Variants in ESYT2 observed in about 807,000 individuals in gnomAD.
The protein encoded by ESYT2 is extended synaptotagmin 2, also known as extended synaptotagmin-2.
ESYT2 carries 54 observed loss-of-function variants against 107.2 expected under a neutral mutation model. That is an observed-to-expected ratio of 0.50 (90% CI 0.40 to 0.63). The LOEUF (loss-of-function observed/expected upper bound fraction) is 0.63. Among genes scored for constraint, ESYT2 ranks in the 30% least tolerant of loss-of-function variants. The pLI, the probability that ESYT2 is intolerant of heterozygous loss-of-function variation, is 0.00. For synonymous variants in ESYT2, 491 were observed against 434.1 expected, an observed-to-expected ratio of 1.13 and a Z score of -1.63; for missense variants, 1,020 against 1,094.5, an observed-to-expected ratio of 0.93 and a Z score of 0.96.
chr7:158,770,472 T>C (rs1460747428), intron 7 of ESYT2, among the ~76,000 whole-genome samples: 1 of 151,262 alleles, frequency 6.6e-6, no homozygotes, highest in African/African-American at 2.4e-5. Context: ...GTTAGGTAAG[T>C]ATATATTTTT....
intron 6 of ESYT2, among the ~76,000 whole-genome samples, chr7:158,786,967 G>T (rs1303683779): frequency 6.6e-6 from 1 of 152,168 alleles, no homozygotes; most frequent in African/African-American, 2.4e-5. Context: ...AACAAAAGGG[G>T]TGAAGAAAGC....
chr7:158,808,933 G>A (rs1487962616), intron 1 of ESYT2, among the ~76,000 whole-genome samples: 3 of 151,770 alleles, frequency 2.0e-5, no homozygotes, highest in African/African-American at 4.8e-5. Context: ...CCGAGACTGC[G>A]CCATTACACT....
At position 158,749,632 on chromosome 7, in the gene ESYT2, C is replaced by T; in HGVS notation, c.1557+17G>A. 3.1e-6 allele frequency: 5 copies of T among 1,613,542 alleles called. No individual in the cohort carries two copies. Among genetic ancestry groups the T allele is most frequent in the Non-Finnish European group, 4.2e-6 (5 of 1,179,756 alleles). ...GCACGACAGGCACCAAGGCTGAGTC[C>T]AGGGCGAGCACCTTACCTTGCTCTC... On this transcript the variant is annotated intron_variant, in intron 15 of 22. Transcript: ENST00000275418.
intron 1 of ESYT2, among the ~76,000 whole-genome samples, chr7:158,810,697 AG>A (rs1839970519): frequency 6.6e-6 from 1 of 151,556 alleles, no homozygotes; most frequent in Non-Finnish European, 1.5e-5. Context: ...GGAAAAAAAA[AG>A]GCTCATCATA....
intron 11 of ESYT2, 49 bp downstream of exon 11, chr7:158,761,447 G>GGGACTCAGTCAACAATTGT (rs1483037112): frequency 6.3e-7 from 1 of 1,579,972 alleles, no homozygotes; most frequent in Admixed American, 1.7e-5. Context: ...GCACAGGGCA[G>GGGACTCAGTCAACAATTGT]GGACTCAGTC....
At chr7:158,737,312 C>T (rs1036930965) in intron 19 of ESYT2, 133 bp from the exon 20 acceptor site, 24 of 1,204,832 alleles carry the variant, frequency 2.0e-5, no homozygotes, top group Middle Eastern at 3.0e-4. Flanking sequence ...GAACAGAATG[C>T]GTGAGGCGCT....
At chr7:158,817,268 G>C (rs1235659773) in intron 1 of ESYT2, among the ~76,000 whole-genome samples, 2 of 152,194 alleles carry the variant, frequency 1.3e-5, no homozygotes, top group Non-Finnish European at 2.9e-5. Context: ...CTTTAAGTCT[G>C]ACAGGAAACA....
intron 1 of ESYT2, among the ~76,000 whole-genome samples, chr7:158,821,591 C>T (rs1840287117): frequency 6.6e-6 from 1 of 152,260 alleles, no homozygotes; most frequent in Non-Finnish European, 1.5e-5. Flanking sequence ...TAAATCAGAA[C>T]TGCCCTGAGG....
chr7:158,776,404 A>T (rs1838564000), intron 6 of ESYT2, among the ~76,000 whole-genome samples: 1 of 152,172 alleles, frequency 6.6e-6, no homozygotes, highest in Admixed American at 6.5e-5. Flanking sequence ...ATACACTGAA[A>T]ATCTGTTGTT....
intron 1 of ESYT2, among the ~76,000 whole-genome samples, chr7:158,813,940 T>C (rs1172419137): frequency 6.6e-6 from 1 of 152,136 alleles, no homozygotes. Context: ...TATACGTTCC[T>C]CGTCCCAATG....
chr7:158,752,869 T>C (rs1394523589), intron 13 of ESYT2, 26 bp from the exon 14 acceptor site: 3 of 1,280,428 alleles, frequency 2.3e-6, no homozygotes, highest in Non-Finnish European at 3.1e-6. Flanking sequence ...AAAACGAATA[T>C]GCCAAGGGTT....
At chr7:158,795,341 G>C (rs181147237) in intron 3 of ESYT2, among the ~76,000 whole-genome samples, 12 of 152,342 alleles carry the variant, frequency 7.9e-5, no homozygotes, top group Admixed American at 7.8e-4. Flanking sequence ...TCCTTATTCA[G>C]CTGGTATCAA....
chr7:158,737,184 C>CAGT lies in ESYT2; in HGVS notation c.2268-6_2268-5insACT. The CAGT allele has an allele frequency of 6.2e-7, 1 of 1,613,198 alleles. No individual in the cohort carries two copies. Among genetic ancestry groups the CAGT allele is most frequent in the Non-Finnish European group, 8.5e-7 (1 of 1,179,362 alleles). On this transcript the variant is annotated splice_polypyrimidine_tract_variant and splice_region_variant and intron_variant, in intron 19 of 22. Coordinates refer to ENST00000275418, the MANE Select transcript of ESYT2 (RefSeq NM_001367773.1). ...TCAGAGAAGGCAATGAGGTTTCTTACAACACAAACCAGATAAGACGAGGTA... is the reference window on the plus strand; with the variant it reads ...TCAGAGAAGGCAATGAGGTTTCTTACAGTAACACAAACCAGATAAGACGAGGTA...
At chr7:158,758,663 G>A in intron 13 of ESYT2, among the ~76,000 whole-genome samples, 1 of 152,160 alleles carries the variant, frequency 6.6e-6, no homozygotes, top group Admixed American at 6.5e-5. Context: ...AAAAGCGGCT[G>A]TGGACACGAT....
Position 158,773,399 on chromosome 7 carries a change from G to C in ESYT2, c.748-3C>G. On this transcript the variant is annotated splice_region_variant and splice_polypyrimidine_tract_variant and intron_variant, in intron 6 of 22. Transcript: ENST00000275418. ...CCTGTCCAGTTAATTTCTAAAAGCT[G>C]TTTTAAAACAAGGGCAAAATATTAA... The C allele has an allele frequency of 6.2e-7, 1 of 1,613,990 alleles. No individual in the cohort carries two copies. Among genetic ancestry groups the C allele is most frequent in the Non-Finnish European group, 8.5e-7 (1 of 1,179,972 alleles).
At chr7:158,737,337 C>A (rs1159629281) in intron 19 of ESYT2, among the ~76,000 whole-genome samples, 158 bp from the exon 20 acceptor site, 7 of 152,294 alleles carry the variant, frequency 4.6e-5, no homozygotes, top group Admixed American at 3.9e-4. Context: ...CCTCCCCCGA[C>A]GGCTGCCTGG....
intron 15 of ESYT2, among the ~76,000 whole-genome samples, chr7:158,748,992 T>C (rs1837498507): frequency 6.6e-6 from 1 of 152,350 alleles, no homozygotes; most frequent in East Asian, 1.9e-4. Context: ...TTTTAAGCAC[T>C]GTTGGTTTTC....
intron 1 of ESYT2, among the ~76,000 whole-genome samples, chr7:158,816,018 G>T (rs1027818121): frequency 1.3e-5 from 2 of 152,146 alleles, no homozygotes; most frequent in African/African-American, 4.8e-5. Context: ...CCTGGAATTT[G>T]TGAGTGTCGC....
chr7:158,788,258 TA>T lies in ESYT2; in HGVS notation c.657+86del. The T allele has an allele frequency of 4.4e-6, 6 of 1,370,512 alleles. No homozygotes were observed. In the Middle Eastern group the frequency reaches 5.5e-4, roughly 126 times the overall value. The allele number at this position is 1,370,512 out of a possible 1,614,324, so 84.9% of individuals were successfully genotyped here. A position where few individuals can be genotyped will look rare whatever the true frequency, so the allele number is the denominator to read the frequency against. ...ACTGAACGTCAAAAAAATTCCAAGC[TA>T]AAAAAACTTCCTAATTTTATTTTTG... On this transcript the variant is annotated intron_variant, in intron 5 of 22. Transcript: ENST00000275418.
Sources: allele counts gnomAD v4.1 joint callset (sites outside exome capture counted in the v4.1 genomes callset), GRCh38; gene constraint gnomAD v4.1.1; transcripts MANE v1.5; gene names NCBI Gene and HGNC (gene_info 2026-07-23, HGNC 2026-07-21).